The following DNAH14 variants were observed in gnomAD, a reference collection of about 807,000 sequenced individuals.
DNAH14 encodes the protein axonemal beta dynein heavy chain 14.
DNAH14 carries 478 observed loss-of-function variants against 520.9 expected under a neutral mutation model. That is an observed-to-expected ratio of 0.92 (90% CI 0.85 to 0.99). The LOEUF is 0.99. DNAH14 is among the 50% of genes least tolerant of loss of function. DNAH14 has a pLI of 0.00. For missense variants in DNAH14, 4,831 were observed against 5,234.5 expected, an observed-to-expected ratio of 0.92 and a Z score of 2.38; for synonymous variants, 1,581 against 1,757.2, an observed-to-expected ratio of 0.90 and a Z score of 2.51.
intron 23 of DNAH14, among the ~76,000 whole-genome samples, chr1:225,112,983 C>T (rs1048859892): frequency 6.6e-6 from 1 of 151,972 alleles, no homozygotes; most frequent in African/African-American, 2.4e-5. Flanking sequence ...GGGTTGGTCC[C>T]TGGAGGCTTA....
At position 225,381,586 on chromosome 1, in the gene DNAH14, A is replaced by C; in HGVS notation, c.13077+7A>C. 1 of 1,495,936 alleles carries C rather than the reference A, an allele frequency of 6.7e-7. No individual in the cohort carries two copies. The highest frequency in any genetic ancestry group is 8.9e-7 in the Non-Finnish European group (1 of 1,121,076). 92.7% of individuals were successfully genotyped at this position (1,495,936 alleles called of 1,614,324 possible). ...AGTGCCTACATTGTGGCAGGTAAGC[A>C]ATTATTATTATTTCCTATTTTCTTG... On this transcript the variant is annotated splice_region_variant and intron_variant, in intron 81 of 85. Transcript: ENST00000682510.
chr1:225,071,621 A>G (rs1408978979), intron 17 of DNAH14, among the ~76,000 whole-genome samples: 1 of 152,104 alleles, frequency 6.6e-6, no homozygotes, highest in African/African-American at 2.4e-5. Flanking sequence ...TCATTCTCAC[A>G]CTGCTAATAA....
intron 28 of DNAH14, 117 bp downstream of exon 28, chr1:225,141,138 C>T: frequency 9.7e-7 from 1 of 1,029,882 alleles, no homozygotes; most frequent in Non-Finnish European, 1.4e-6. Flanking sequence ...GGGGCTTTAC[C>T]AAAATTCTAA....
At chr1:224,992,701 C>A (rs188618336) in intron 8 of DNAH14, among the ~76,000 whole-genome samples, 26 of 152,124 alleles carry the variant, frequency 1.7e-4, no homozygotes, top group Non-Finnish European at 2.1e-4. Context: ...TCTTTTATTT[C>A]TTTTCCTTAA....
chr1:225,058,995 A>G (rs565702838), intron 17 of DNAH14, among the ~76,000 whole-genome samples: 1 of 152,304 alleles, frequency 6.6e-6, no homozygotes, highest in African/African-American at 2.4e-5. Context: ...AGAAGAATGT[A>G]TATTCTGTTG....
chr1:225,035,365 C>G (rs1298232229), intron 11 of DNAH14, among the ~76,000 whole-genome samples: 1 of 151,914 alleles, frequency 6.6e-6, no homozygotes, highest in Non-Finnish European at 1.5e-5. Context: ...AAAAACCAAC[C>G]CTTTGTTTCA....
chr1:225,311,268 T>A (rs2094359178), intron 60 of DNAH14, among the ~76,000 whole-genome samples: 1 of 152,244 alleles, frequency 6.6e-6, no homozygotes. Context: ...TGTCTGTTCA[T>A]ATCCTTTGCC....
chr1:225,346,002 A>T lies in DNAH14; in HGVS notation c.10719A>T (p.Arg3573Ser), dbSNP rs2095280706. The change falls in exon 70 of 86, where the codon AGA becomes AGT. Residue 3573 changes from arginine to serine, a missense_variant. Arg to Ser is a moderately radical substitution (Grantham distance 110). Transcript: ENST00000682510. ...LDDDKIVDTL[R>S]KSKMTSNEIS... ...ATGACAAAATTGTAGATACCTTAAGAAAATCCAAAATGACATCAAACGAAA... is the reference window on the plus strand; with the variant it reads ...ATGACAAAATTGTAGATACCTTAAGTAAATCCAAAATGACATCAAACGAAA... 12 of 1,551,480 alleles carry T rather than the reference A, an allele frequency of 7.7e-6. No individual in the cohort carries two copies. The highest frequency in any genetic ancestry group is 1.0e-5 in the Non-Finnish European group (12 of 1,146,926).
At chr1:225,029,548 T>C (rs962053153) in intron 11 of DNAH14, among the ~76,000 whole-genome samples, 1 of 152,056 alleles carries the variant, frequency 6.6e-6, no homozygotes, top group Non-Finnish European at 1.5e-5. Context: ...CAGTTTTTGC[T>C]CTAATGTAGT....
At chr1:225,360,253 G>C (rs5003560) in intron 74 of DNAH14, among the ~76,000 whole-genome samples, 23,563 of 152,052 alleles carry the variant, frequency 0.15, 1,955 homozygotes, top group East Asian at 0.27. Flanking sequence ...ATCATTGATG[G>C]GCATTTGGGT....
intron 9 of DNAH14, among the ~76,000 whole-genome samples, chr1:225,003,800 CTTTGA>C (rs2063953551): frequency 6.6e-6 from 1 of 152,008 alleles, no homozygotes; most frequent in South Asian, 2.1e-4. Context: ...AGAGGAATCT[CTTTGA>C]TTTGGTTTTT....
chr1:225,398,765 G>C, intron 85 of DNAH14, 99 bp downstream of exon 85: 5 of 1,437,102 alleles, frequency 3.5e-6, no homozygotes, highest in Non-Finnish European at 4.6e-6. Flanking sequence ...TTTTGCAAGG[G>C]AGATGTGATA....
intron 42 of DNAH14, among the ~76,000 whole-genome samples, chr1:225,235,967 A>AT (rs2091549280): frequency 2.0e-5 from 3 of 151,594 alleles, no homozygotes; most frequent in African/African-American, 7.3e-5. Flanking sequence ...TATTTTATTA[A>AT]TTTTTTTCAA....
intron 55 of DNAH14, among the ~76,000 whole-genome samples, chr1:225,292,201 T>C (rs970018184): frequency 7.2e-5 from 11 of 152,194 alleles, no homozygotes; most frequent in Admixed American, 6.6e-5. Context: ...AGCATTTCCC[T>C]TATGTTTTCT....
At chr1:225,132,327 A>C (rs1428961755) in intron 27 of DNAH14, among the ~76,000 whole-genome samples, 1 of 151,974 alleles carries the variant, frequency 6.6e-6, no homozygotes, top group Non-Finnish European at 1.5e-5. Flanking sequence ...TAAGCCCAGC[A>C]CCCATTAGCT....
At chr1:225,137,421 T>G (rs536872304) in intron 27 of DNAH14, among the ~76,000 whole-genome samples, 3 of 152,292 alleles carry the variant, frequency 2.0e-5, no homozygotes, top group Admixed American at 1.3e-4. Flanking sequence ...AGTGGTGCAA[T>G]CTCAGCTCAC....
intron 60 of DNAH14, among the ~76,000 whole-genome samples, chr1:225,309,049 G>A (rs1489969380): frequency 6.6e-6 from 1 of 152,202 alleles, no homozygotes; most frequent in African/African-American, 2.4e-5. Flanking sequence ...ATATCCGTGG[G>A]CTGCTGCCAT....
Position 225,314,900 on chromosome 1 carries a change from T to G in DNAH14, c.9241-3683T>G, listed in dbSNP as rs569169356. On this transcript the variant is annotated intron_variant, in intron 60 of 85. Coordinates refer to ENST00000682510, the MANE Select transcript of DNAH14 (RefSeq NM_001367479.1). ...TCCTTCATTTCAACCTTGGTGAATC[T>G]GAGGATTATGCATCTTAGGGTTGCT... is the stretch of plus-strand genomic sequence containing the variant. Among the ~76,000 whole-genome samples, 3 of 152,314 alleles carry G rather than the reference T, an allele frequency of 2.0e-5. No individual in the cohort carries two copies. The South Asian group carries it at 6.2e-4, about 32-fold the overall frequency.
rs531667573 is a variant in DNAH14, at chr1:225,082,531, A to G, written c.3137-18A>G. On this transcript the variant is annotated intron_variant, in intron 19 of 85. Coordinates refer to ENST00000682510, the MANE Select transcript of DNAH14 (RefSeq NM_001367479.1). ...TAATGAACATATTATAAGCCTACTGACCCATTGTTATTTATAGGTTTACCT... is the reference window on the plus strand; with the variant it reads ...TAATGAACATATTATAAGCCTACTGGCCCATTGTTATTTATAGGTTTACCT... 4 of 1,517,978 alleles carry G rather than the reference A, an allele frequency of 2.6e-6. No homozygotes were observed. The South Asian group carries it at 3.9e-5, about 15-fold the overall frequency. 94.0% of individuals were successfully genotyped at this position (1,517,978 alleles called of 1,614,324 possible).
Sources: allele counts gnomAD v4.1 joint callset (sites outside exome capture counted in the v4.1 genomes callset), GRCh38; gene constraint gnomAD v4.1.1; transcripts MANE v1.5; gene names NCBI Gene and HGNC (gene_info 2026-07-23, HGNC 2026-07-21).